NTM: variants seen among roughly 807,000 people sequenced by gnomAD.
NTM encodes IgLON family member 2.
NTM carries 13 observed loss-of-function variants against 42.1 expected under a neutral mutation model. That is an observed-to-expected ratio of 0.31 (90% CI 0.20 to 0.49). NTM has a LOEUF of 0.49. NTM is among the 20% of genes least tolerant of loss of function. The probability of loss-of-function intolerance (pLI) is 0.99; values close to 1 mark genes in which losing one functional copy is unlikely to be tolerated. For synonymous variants in NTM, 187 were observed against 179.2 expected (o/e 1.04, Z -0.35); for missense variants, 373 against 452.8 (o/e 0.82, Z 1.60).
intron 2 of NTM, among the ~76,000 whole-genome samples, chr11:131,923,902 C>G (rs1308341459): frequency 1.3e-5 from 2 of 152,222 alleles, no homozygotes; most frequent in African/African-American, 4.8e-5. Flanking sequence ...ACCTTTGGCA[C>G]ATGGATTAGC....
intron 1 of NTM, among the ~76,000 whole-genome samples, chr11:131,480,412 A>G (rs748927990): frequency 2.6e-5 from 4 of 152,120 alleles, no homozygotes; most frequent in Non-Finnish European, 4.4e-5. Context: ...TTTTCACCAA[A>G]TGAAGACATC....
intron 3 of NTM, among the ~76,000 whole-genome samples, chr11:132,162,691 A>G: frequency 7.7e-6 from 1 of 129,970 alleles, no homozygotes; most frequent in African/African-American, 3.0e-5. Flanking sequence ...TTGTGTAGGG[A>G]ATGTGTATGT....
intron 2 of NTM, among the ~76,000 whole-genome samples, chr11:131,960,980 G>A (rs113818604): frequency 0.015 from 2,281 of 152,238 alleles, 21 homozygotes; most frequent in Non-Finnish European, 0.023. Context: ...GGACAACAGC[G>A]TCTTCAACCT....
intron 1 of NTM, among the ~76,000 whole-genome samples, chr11:131,759,779 T>C (rs934320843): frequency 7.2e-5 from 11 of 152,152 alleles, no homozygotes; most frequent in African/African-American, 2.7e-4. Flanking sequence ...TTTACCTTGC[T>C]GAAATTGATA....
At chr11:131,959,094 C>T (rs1384553720) in intron 2 of NTM, among the ~76,000 whole-genome samples, 1 of 152,138 alleles carries the variant, frequency 6.6e-6, no homozygotes, top group East Asian at 1.9e-4. Flanking sequence ...CCCCAGGTCT[C>T]AAGAGGGTGA....
At chr11:131,841,487 C>G (rs2044234880) in intron 1 of NTM, among the ~76,000 whole-genome samples, 1 of 152,344 alleles carries the variant, frequency 6.6e-6, no homozygotes, top group South Asian at 2.1e-4. Flanking sequence ...ACAAGAATCA[C>G]TTGGGCAATT....
intron 1 of NTM, 42 bp downstream of exon 1, chr11:131,370,930 T>C (rs1433215931): frequency 1.2e-6 from 2 of 1,608,872 alleles, no homozygotes; most frequent in South Asian, 2.2e-5. Context: ...GACCCAGGAA[T>C]TGTACAGTGT....
intron 1 of NTM, among the ~76,000 whole-genome samples, chr11:131,478,983 T>G (rs1953257469): frequency 6.6e-6 from 1 of 152,206 alleles, no homozygotes; most frequent in Non-Finnish European, 1.5e-5. Context: ...TGGTGAACAC[T>G]CACTCGCCCA....
chr11:131,723,376 C>T (rs768728698), intron 1 of NTM, among the ~76,000 whole-genome samples: 17 of 152,350 alleles, frequency 1.1e-4, no homozygotes, highest in Middle Eastern at 3.4e-3. Flanking sequence ...ATGTAGATTA[C>T]GCAGCAGCTG....
intron 2 of NTM, among the ~76,000 whole-genome samples, chr11:132,117,613 G>A (rs2064089326): frequency 6.6e-6 from 1 of 152,182 alleles, no homozygotes; most frequent in South Asian, 2.1e-4. Flanking sequence ...GGGCTGATGT[G>A]ATATACCAAA....
intron 1 of NTM, among the ~76,000 whole-genome samples, chr11:131,470,114 A>G (rs576251976): frequency 1.3e-5 from 2 of 152,324 alleles, no homozygotes; most frequent in Non-Finnish European, 2.9e-5. Context: ...GACTCATTTC[A>G]TATGATAGTA....
chr11:131,900,859 T>A (rs1313069930), intron 1 of NTM, among the ~76,000 whole-genome samples: 1 of 152,256 alleles, frequency 6.6e-6, no homozygotes, highest in East Asian at 1.9e-4. Flanking sequence ...TTCTTTCTCG[T>A]TCCTATTTTT....
At chr11:132,023,789 TTTG>T (rs1000517106) in intron 2 of NTM, among the ~76,000 whole-genome samples, 29 of 108,158 alleles carry the variant, frequency 2.7e-4, no homozygotes, top group African/African-American at 9.7e-4. Context: ...TGTTGGTGGT[TTTG>T]TTGTTGGTGG....
chr11:132,269,116 G>GA (rs1296991743), intron 4 of NTM, among the ~76,000 whole-genome samples: 2 of 152,232 alleles, frequency 1.3e-5, no homozygotes, highest in Admixed American at 1.3e-4. Context: ...GAGGCAAAAG[G>GA]AAAAAACTCA....
chr11:131,796,212 T>C, intron 1 of NTM: 3 of 968,618 alleles, frequency 3.1e-6, no homozygotes, highest in Non-Finnish European at 3.7e-6. Flanking sequence ...GGTCAGAAAC[T>C]AGAACCTGTA....
chr11:131,634,117 G>C (rs957592296), intron 1 of NTM, among the ~76,000 whole-genome samples: 1 of 152,164 alleles, frequency 6.6e-6, no homozygotes, highest in Non-Finnish European at 1.5e-5. Flanking sequence ...TGGGTAAACA[G>C]GAGTGGTTGG....
At chr11:131,453,938 A>T (rs78342532) in intron 1 of NTM, among the ~76,000 whole-genome samples, 7 of 152,164 alleles carry the variant, frequency 4.6e-5, no homozygotes, top group African/African-American at 1.7e-4. Context: ...AGCTGGGCTG[A>T]ACCTGTCTCC....
At chr11:131,429,424 T>A (rs1948471952) in intron 1 of NTM, among the ~76,000 whole-genome samples, 1 of 152,076 alleles carries the variant, frequency 6.6e-6, no homozygotes, top group Admixed American at 6.5e-5. Flanking sequence ...ACTCAGTGAG[T>A]GCCCTAAGTG....
At chr11:131,485,470 G>A (rs886991042) in intron 1 of NTM, among the ~76,000 whole-genome samples, 1 of 152,178 alleles carries the variant, frequency 6.6e-6, no homozygotes, top group Non-Finnish European at 1.5e-5. Context: ...CCAGGTGAAT[G>A]TTCGAGGTGA....
Sources: allele counts gnomAD v4.1 joint callset (sites outside exome capture counted in the v4.1 genomes callset), GRCh38; gene constraint gnomAD v4.1.1; transcripts MANE v1.5; gene names NCBI Gene and HGNC (gene_info 2026-07-23, HGNC 2026-07-21).